Variants in ANO3 observed in about 807,000 individuals in gnomAD.
ANO3 encodes the protein anoctamin-3.
ANO3 carries 99 observed loss-of-function variants against 144.8 expected under a neutral mutation model. That is an observed-to-expected ratio of 0.68 (90% confidence interval 0.58 to 0.81). ANO3 has a LOEUF of 0.81. Ranked by LOEUF, ANO3 falls within the 30% of genes least tolerant of loss-of-function variation. ANO3 has a pLI of 0.00. For synonymous variants in ANO3, 414 were observed against 392.6 expected, an observed-to-expected ratio of 1.05 and a Z score of -0.64; for missense variants, 905 against 1,202.2, an observed-to-expected ratio of 0.75 and a Z score of 3.66.
intron 1 of ANO3, among the ~76,000 whole-genome samples, chr11:26,355,614 C>A (rs1453779973): frequency 1.3e-5 from 2 of 150,130 alleles, no homozygotes; most frequent in Non-Finnish European, 2.9e-5. Flanking sequence ...GGATGGAGTG[C>A]AATAGCATGA....
chr11:26,305,594 C>T (rs1428090786), upstream of ANO3, among the ~76,000 whole-genome samples: 1 of 152,028 alleles, frequency 6.6e-6, no homozygotes, highest in Non-Finnish European at 1.5e-5. Context: ...TTCTCAGAAA[C>T]CAATATTTTA....
intron 17 of ANO3, among the ~76,000 whole-genome samples, chr11:26,609,656 T>G (rs1852037255): frequency 2.0e-5 from 3 of 152,204 alleles, no homozygotes; most frequent in South Asian, 4.1e-4. Flanking sequence ...AGGACATGTG[T>G]TGATTCCATA....
At chr11:26,337,164 A>G (rs1162749161) in intron 1 of ANO3, among the ~76,000 whole-genome samples, 1 of 152,244 alleles carries the variant, frequency 6.6e-6, no homozygotes, top group Non-Finnish European at 1.5e-5. Flanking sequence ...AACCCGAAAA[A>G]AAACACAAGT....
At chr11:26,454,143 AC>A (rs1482762711) in intron 3 of ANO3, among the ~76,000 whole-genome samples, 1 of 152,100 alleles carries the variant, frequency 6.6e-6, no homozygotes, top group Non-Finnish European at 1.5e-5. Context: ...CAAAATTGAC[AC>A]CCTAACATCA....
At chr11:26,334,373 A>G (rs1855139441) in intron 1 of ANO3, among the ~76,000 whole-genome samples, 1 of 152,262 alleles carries the variant, frequency 6.6e-6, no homozygotes. Flanking sequence ...TCAAATAGGA[A>G]GAAGCAAAAT....
chr11:26,487,892 G>A (rs1451925487), intron 4 of ANO3, among the ~76,000 whole-genome samples: 4 of 152,212 alleles, frequency 2.6e-5, no homozygotes, highest in Admixed American at 2.6e-4. Flanking sequence ...TTTAGGCCAA[G>A]TGCAGTAGCT....
At chr11:26,379,623 A>G (rs1427773896) in intron 1 of ANO3, among the ~76,000 whole-genome samples, 2 of 151,912 alleles carry the variant, frequency 1.3e-5, no homozygotes, top group East Asian at 3.9e-4. Flanking sequence ...CTCTACCAAA[A>G]ATGCAAAAAA....
At chr11:26,410,679 T>A (rs550187043) in intron 1 of ANO3, among the ~76,000 whole-genome samples, 2 of 152,136 alleles carry the variant, frequency 1.3e-5, no homozygotes, top group South Asian at 2.1e-4. Flanking sequence ...TTTACAATTA[T>A]CTGGAGGGCA....
intron 1 of ANO3, among the ~76,000 whole-genome samples, chr11:26,230,797 CAAAAAAAAAAAAAAAAA>C (rs1168180646): frequency 0.029 from 331 of 11,228 alleles, 1 homozygote; most frequent in African/African-American, 0.051. Flanking sequence ...ACTCCATCTC[CAAAAAAAAAAAAAAAAA>C]AAAAAAAAAA....
intron 7 of ANO3, among the ~76,000 whole-genome samples, chr11:26,527,656 G>C (rs1590462874): frequency 1.3e-5 from 2 of 152,056 alleles, no homozygotes; most frequent in South Asian, 4.2e-4. Context: ...GTTTTGACCG[G>C]TACATATTAG....
intron 1 of ANO3, among the ~76,000 whole-genome samples, chr11:26,288,603 T>G (rs1270611461): frequency 6.6e-6 from 1 of 152,128 alleles, no homozygotes; most frequent in African/African-American, 2.4e-5. Context: ...GCCTCTACAC[T>G]CCTTCCAATT....
intron 21 of ANO3, among the ~76,000 whole-genome samples, chr11:26,641,278 A>T (rs1853142731): frequency 3.3e-5 from 5 of 152,224 alleles, no homozygotes. Context: ...AATCACTAAC[A>T]CTTAGACTCC....
chr11:26,568,584 A>T (rs1248256182), intron 14 of ANO3, among the ~76,000 whole-genome samples: 1 of 151,996 alleles, frequency 6.6e-6, no homozygotes, highest in African/African-American at 2.4e-5. Context: ...CAAAGGACCC[A>T]TTAAATACAC....
At chr11:26,386,655 A>G (rs1044904544) in intron 1 of ANO3, among the ~76,000 whole-genome samples, 1 of 152,200 alleles carries the variant, frequency 6.6e-6, no homozygotes, top group Non-Finnish European at 1.5e-5. Flanking sequence ...AGAATGTAGG[A>G]GAAAACATCA....
Position 26,409,507 on chromosome 11 carries a change from C to T in ANO3, c.47-32411C>T, listed in dbSNP as rs72884577. On this transcript the variant is annotated intron_variant, in intron 1 of 26. Coordinates refer to ENST00000256737, the MANE Select transcript of ANO3 (RefSeq NM_031418.4). The stretch of plus-strand genomic sequence containing the variant: ...TATAACACTGGACATTGATACCTCA[C>T]GTCTGCCTTATACAGTTTCGTGACC... Among the ~76,000 whole-genome samples the T allele has an allele frequency of 3.0e-3, 459 of 151,984 alleles. 3 individuals are homozygous for T. Among genetic ancestry groups the T allele is most frequent in the Non-Finnish European group, 5.6e-3 (382 of 67,914 alleles).
intron 18 of ANO3, among the ~76,000 whole-genome samples, chr11:26,627,848 T>C (rs1852640635): frequency 6.9e-6 from 1 of 144,724 alleles, no homozygotes; most frequent in Non-Finnish European, 1.5e-5. Flanking sequence ...TGTGTGTGTG[T>C]GTGTGTGCGC....
At chr11:26,547,655 C>A in intron 12 of ANO3, 105 bp downstream of exon 12, 2 of 1,074,476 alleles carry the variant, frequency 1.9e-6, no homozygotes, top group Non-Finnish European at 2.7e-6. Flanking sequence ...GATGATACTA[C>A]AATTTAATTT....
chr11:26,214,935 T>A (rs879814345), intron 1 of ANO3, among the ~76,000 whole-genome samples: 4 of 151,956 alleles, frequency 2.6e-5, no homozygotes, highest in Non-Finnish European at 5.9e-5. Context: ...TTTTGTAGAA[T>A]GTCTCTCAAC....
intron 14 of ANO3, among the ~76,000 whole-genome samples, chr11:26,584,976 G>GTTA (rs1851236003): frequency 6.6e-6 from 1 of 152,178 alleles, no homozygotes; most frequent in Admixed American, 6.5e-5. Context: ...AAGGAACAGA[G>GTTA]TTATGCTTTA....
Sources: gnomAD v4.1 joint callset for allele counts (sites outside exome capture counted in the v4.1 genomes callset) on GRCh38, gnomAD v4.1.1 for gene constraint, MANE v1.5 for transcripts, NCBI Gene and HGNC (gene_info 2026-07-23, HGNC 2026-07-21) for gene names.